The following CDK12 variants were observed in gnomAD, a reference collection of about 807,000 sequenced individuals.
CDK12 encodes the protein cyclin-dependent kinase 12.
In CDK12, 17 loss-of-function variants were observed where a neutral mutation model predicts 133.8. That is an observed-to-expected ratio of 0.13 (90% CI 0.09 to 0.19). The LOEUF (loss-of-function observed/expected upper bound fraction) is 0.19. Among genes scored for constraint, CDK12 ranks in the 10% least tolerant of loss-of-function variants. CDK12 has a pLI of 1.00. For synonymous variants in CDK12, 694 were observed against 683.6 expected, an observed-to-expected ratio of 1.02 and a Z score of -0.24; for missense variants, 1,508 against 1,818.7, an observed-to-expected ratio of 0.83 and a Z score of 3.11.
intron 5 of CDK12, among the ~76,000 whole-genome samples, chr17:39,497,484 A>G (rs937791813): frequency 1.3e-5 from 2 of 151,912 alleles, no homozygotes; most frequent in Admixed American, 6.6e-5. Flanking sequence ...TAGAGATTGC[A>G]GTGAGCCGAG....
At chr17:39,510,498 A>G (rs2053431360) in intron 7 of CDK12, among the ~76,000 whole-genome samples, 1 of 152,130 alleles carries the variant, frequency 6.6e-6, no homozygotes, top group Non-Finnish European at 1.5e-5. Context: ...ATTATCTGAA[A>G]GCGTTATCAC....
chr17:39,565,316 A>G (rs745645774), downstream of CDK12, among the ~76,000 whole-genome samples: 1 of 151,428 alleles, frequency 6.6e-6, no homozygotes, highest in Non-Finnish European at 1.5e-5. Context: ...GGGTTTCACT[A>G]TGTTAGCCAG....
chr17:39,489,603 C>T (rs1262302769), intron 2 of CDK12, among the ~76,000 whole-genome samples: 1 of 151,626 alleles, frequency 6.6e-6, no homozygotes, highest in Non-Finnish European at 1.5e-5. Context: ...AGCAATTCTC[C>T]TGCCTCAGCC....
intron 7 of CDK12, among the ~76,000 whole-genome samples, chr17:39,510,879 C>G (rs2053457304): frequency 6.8e-6 from 1 of 147,262 alleles, no homozygotes; most frequent in African/African-American, 2.5e-5. Context: ...TCCCAAAGTG[C>G]TGGGATTACG....
In CDK12 at chr17:39,532,133, TC is replaced by T. The variant is rs1787422209; in HGVS notation, c.*818del. 3 of 230,104 alleles carry T rather than the reference TC, an allele frequency of 1.3e-5. No individual in the cohort carries two copies. The highest frequency in any genetic ancestry group is 1.1e-4 in the Admixed American group (2 of 17,526). The allele number at this position is 230,104 out of a possible 1,614,324, so 14.3% of individuals were successfully genotyped here. On this transcript the variant is annotated 3_prime_UTR_variant, in exon 14 of 14. Transcript: ENST00000447079. Reference sequence around the variant, plus strand: ...CTCTCTCTCTCTCTCTCTCTCTCTCTCTCTCTCTCTGTCTCGCTTGCTCGCT... The same window carrying T: ...CTCTCTCTCTCTCTCTCTCTCTCTCTTCTCTCTCTGTCTCGCTTGCTCGCT...
upstream of CDK12, among the ~76,000 whole-genome samples, chr17:39,545,726 C>T (rs1250446161): frequency 6.6e-6 from 1 of 150,718 alleles, no homozygotes; most frequent in Non-Finnish European, 1.5e-5. Context: ...TCTTGAACTC[C>T]TGACCTCAGG....
intron 2 of CDK12, among the ~76,000 whole-genome samples, chr17:39,482,939 G>A (rs1393901965): frequency 7.0e-6 from 1 of 143,866 alleles, no homozygotes; most frequent in African/African-American, 2.6e-5. Flanking sequence ...TTGAAACGGA[G>A]TCTCACTCTG....
chr17:39,462,975 G>A lies in CDK12; in HGVS notation c.904G>A (p.Val302Ile), dbSNP rs1567671407. ...PSPYSRRQRS[V>I]SPYSRRRSSS... The stretch of plus-strand genomic sequence containing the variant: ...CCCCTACAGTAGGCGACAGAGATCT[G>A]TCAGTCCCTATAGCAGGAGACGGTC... The change falls in exon 1 of 14, where the codon GTC becomes ATC. Residue 302 changes from valine (V) to isoleucine (I), a missense_variant. Physicochemically the swap from Val to Ile is conservative, Grantham distance 29. Around this residue, in one of 9 missense-constraint regions of CDK12, gnomAD observed 460 missense variants for 490.8 expected, o/e 0.94. Transcript: ENST00000447079. The A allele has an allele frequency of 6.2e-7, 1 of 1,614,186 alleles. No individual in the cohort carries two copies. The highest frequency in any genetic ancestry group is 8.5e-7 in the Non-Finnish European group (1 of 1,180,022).
At chr17:39,542,873 C>T (rs576590203), upstream of CDK12, among the ~76,000 whole-genome samples, 1 of 152,278 alleles carries the variant, frequency 6.6e-6, no homozygotes, top group Admixed American at 6.5e-5. Context: ...AGTCAAGAGG[C>T]TGGTTCATTG....
At chr17:39,565,912 C>T (rs1385402562), downstream of CDK12, among the ~76,000 whole-genome samples, 1 of 152,134 alleles carries the variant, frequency 6.6e-6, no homozygotes, top group Non-Finnish European at 1.5e-5. Context: ...AACCCCACAC[C>T]TGACCTGGCA....
intron 1 of CDK12, among the ~76,000 whole-genome samples, chr17:39,465,770 C>T (rs953529046): frequency 6.6e-6 from 1 of 151,966 alleles, no homozygotes; most frequent in African/African-American, 2.4e-5. Context: ...GGATTACAGG[C>T]GTGAGCCAAT....
At chr17:39,506,335 C>A (rs982373354) in intron 6 of CDK12, among the ~76,000 whole-genome samples, 90 of 151,786 alleles carry the variant, frequency 5.9e-4, no homozygotes, top group African/African-American at 2.2e-3. Context: ...CTGCCTCAGC[C>A]TTCCGAGTAG....
At position 39,533,062 on chromosome 17, in the gene CDK12, A is replaced by G. The variant is rs2054956800; in HGVS notation, c.*1746A>G. On this transcript the variant is annotated 3_prime_UTR_variant, in exon 14 of 14. Transcript: ENST00000447079. ...AAAATAAAATCTACTTATAAGAGAA[A>G]GGTGCATTACTTAAAAAAAAAAAAC... is the stretch of plus-strand genomic sequence containing the variant. 4.7e-6 allele frequency: 1 copy of G among 214,078 alleles called. No individual in the cohort carries two copies. Among genetic ancestry groups the G allele is most frequent in the African/African-American group, 2.3e-5 (1 of 43,548 alleles). The allele number at this position is 214,078 out of a possible 1,614,324, so 13.3% of individuals were successfully genotyped here.
rs2146724212 is a variant in CDK12, at chr17:39,526,293, C to T, written c.3737C>T (p.Thr1246Ile). Residue 1246 changes from threonine (T) to isoleucine (I), a missense_variant, in exon 13 of 14, where the codon ACA becomes ATA. Thr to Ile is a moderately conservative substitution (Grantham distance 89). Transcript: ENST00000447079. ...CCACAGGGGCCCCGAAGAACTCCCACAATGCCACAGGAGGAGGCAGCAGGT... is the reference window on the plus strand; with the variant it reads ...CCACAGGGGCCCCGAAGAACTCCCATAATGCCACAGGAGGAGGCAGCAGGT... Reference protein sequence around the residue: ...SGPQGPRRTPTMPQEEAAACP... With the variant: ...SGPQGPRRTPIMPQEEAAACP... The T allele has an allele frequency of 3.1e-6, 5 of 1,597,570 alleles. No individual in the cohort carries two copies. Among genetic ancestry groups the T allele is most frequent in the Non-Finnish European group, 3.4e-6 (4 of 1,172,776 alleles).
exon 1 of CDK12, chr17:39,550,219 T>C (rs915454340): frequency 6.6e-6 from 1 of 151,640 alleles, no homozygotes; most frequent in African/African-American, 2.4e-5. Context: ...GGGGAGGGAT[T>C]GGGTAAGGGA....
chr17:39,515,506 G>A (rs545608593), intron 8 of CDK12, among the ~76,000 whole-genome samples: 1 of 152,238 alleles, frequency 6.6e-6, no homozygotes, highest in South Asian at 2.1e-4. Context: ...TGATCATAGA[G>A]TGTCCTTAAT....
chr17:39,463,591 A>C (rs2049095355), intron 1 of CDK12, among the ~76,000 whole-genome samples: 1 of 152,048 alleles, frequency 6.6e-6, no homozygotes, highest in South Asian at 2.1e-4. Context: ...AAACCTGTAC[A>C]TTTATTCATT....
chr17:39,515,460 T>C (rs1439585146), intron 8 of CDK12, among the ~76,000 whole-genome samples: 2 of 152,182 alleles, frequency 1.3e-5, no homozygotes, highest in Admixed American at 6.5e-5. Flanking sequence ...TTAATTACAA[T>C]GGCATGATAG....
At chr17:39,523,466 A>T (rs1002635838) in intron 11 of CDK12, among the ~76,000 whole-genome samples, 1 of 151,780 alleles carries the variant, frequency 6.6e-6, no homozygotes, top group Admixed American at 6.6e-5. Context: ...ACAGAGCAAG[A>T]CTCTGTCTCA....
Sources: gnomAD v4.1 joint callset for allele counts (sites outside exome capture counted in the v4.1 genomes callset) on GRCh38, gnomAD v4.1.1 for gene constraint, gnomAD v4.1.1 regional missense constraint, MANE v1.5 for transcripts, NCBI Gene and HGNC (gene_info 2026-07-23, HGNC 2026-07-21) for gene names.